The following RAP1GAP2 variants were observed in gnomAD, a reference collection of about 807,000 sequenced individuals.
The protein encoded by RAP1GAP2 is RAP1 GTPase activating protein 2, also known as rap1 GTPase-activating protein 2.
RAP1GAP2 carries 27 observed loss-of-function variants against 95.0 expected under a neutral mutation model. That is an observed-to-expected ratio of 0.28 (90% confidence interval 0.21 to 0.39). The LOEUF is 0.39. Among genes scored for constraint, RAP1GAP2 ranks in the 10% least tolerant of loss-of-function variants. The pLI is 1.00. For missense variants in RAP1GAP2, 771 were observed against 970.0 expected (o/e 0.79, Z 2.72); for synonymous variants, 373 against 380.9 (o/e 0.98, Z 0.24).
At chr17:2,847,109 C>T (rs11649852) in intron 2 of RAP1GAP2, among the ~76,000 whole-genome samples, 4 of 151,900 alleles carry the variant, frequency 2.6e-5, no homozygotes, top group Admixed American at 6.6e-5. Flanking sequence ...CCCTGGTTCA[C>T]GCGATTCTCC....
At position 2,796,799 on chromosome 17, in the gene RAP1GAP2, C is replaced by T. The variant is rs767112341; in HGVS notation, c.44+228C>T. Among the ~76,000 whole-genome samples, 5 of 152,188 alleles carry T rather than the reference C, an allele frequency of 3.3e-5. No homozygotes were observed. Among genetic ancestry groups the T allele is most frequent in the Middle Eastern group, 3.4e-3 (1 of 294 alleles). The stretch of plus-strand genomic sequence containing the variant: ...TCTGCTGGCGAATCCTGGAGGTCTG[C>T]GCCGGCTGCCCGTGGGGAGGTGGAT... On this transcript the variant is annotated intron_variant, in intron 1 of 24. Coordinates refer to ENST00000254695, the MANE Select transcript of RAP1GAP2 (RefSeq NM_015085.5). The surrounding 1 kb of genome is among the most constrained non-coding windows in gnomAD (Gnocchi z 4.7).
chr17:2,876,287 G>T (rs2073096857), intron 2 of RAP1GAP2, among the ~76,000 whole-genome samples: 2 of 152,118 alleles, frequency 1.3e-5, no homozygotes, highest in South Asian at 4.1e-4. Flanking sequence ...TATTCGAAGA[G>T]ATTTATTCTG....
At chr17:2,917,220 A>G (rs957111528) in intron 3 of RAP1GAP2, among the ~76,000 whole-genome samples, 2 of 151,780 alleles carry the variant, frequency 1.3e-5, no homozygotes, top group African/African-American at 4.8e-5. Context: ...CTAAGAATAC[A>G]GTTTCTGGAG....
At chr17:3,025,981 C>T (rs1466462547) in intron 19 of RAP1GAP2, 27 bp from the exon 20 acceptor site, 2 of 1,541,392 alleles carry the variant, frequency 1.3e-6, no homozygotes, top group East Asian at 2.3e-5. Context: ...GTCTCCGCGG[C>T]CTCACTCCTC....
intron 2 of RAP1GAP2, among the ~76,000 whole-genome samples, chr17:2,884,509 A>G (rs2073417291): frequency 6.6e-6 from 1 of 151,168 alleles, no homozygotes; most frequent in Non-Finnish European, 1.5e-5. Flanking sequence ...AGTAGCTGGG[A>G]CTACAGGCGT....
chr17:2,915,897 A>C (rs867689275), intron 3 of RAP1GAP2, among the ~76,000 whole-genome samples: 3 of 151,950 alleles, frequency 2.0e-5, no homozygotes, highest in Non-Finnish European at 2.9e-5. Flanking sequence ...ACGGGGTTTC[A>C]CCACGTTGGC....
intron 2 of RAP1GAP2, among the ~76,000 whole-genome samples, chr17:2,859,020 A>G (rs1448478124): frequency 1.3e-5 from 2 of 152,182 alleles, no homozygotes; most frequent in Non-Finnish European, 2.9e-5. Flanking sequence ...GTTGTCTCGT[A>G]AAAGTTTTCA....
chr17:2,950,549 C>G (rs144755692), intron 3 of RAP1GAP2, among the ~76,000 whole-genome samples: 1 of 151,842 alleles, frequency 6.6e-6, no homozygotes, highest in East Asian at 1.9e-4. Context: ...GCACTTCTTA[C>G]GCCTGTTCTC....
At chr17:2,838,956 A>G (rs1197460510) in intron 2 of RAP1GAP2, among the ~76,000 whole-genome samples, 2 of 152,056 alleles carry the variant, frequency 1.3e-5, no homozygotes, top group African/African-American at 2.4e-5. Context: ...ACATTATTCA[A>G]TTTTCATTAT....
Position 2,991,471 on chromosome 17 carries a change from T to C in RAP1GAP2, c.914+74T>C, listed in dbSNP as rs2045747841. 2.6e-6 allele frequency: 3 copies of C among 1,162,494 alleles called. No homozygotes were observed. The Admixed American group carries it at 6.3e-5, about 24-fold the overall frequency. The allele number at this position is 1,162,494 out of a possible 1,614,324, so 72.0% of individuals were successfully genotyped here. A position where few individuals can be genotyped will look rare whatever the true frequency, so the allele number is the denominator to read the frequency against. ...GAGGAAGGGCAAGACAGCTCAGTCCTCAGGGAGCACGTGTGAGTTAAAAAC... is the reference window on the plus strand; with the variant it reads ...GAGGAAGGGCAAGACAGCTCAGTCCCCAGGGAGCACGTGTGAGTTAAAAAC... On this transcript the variant is annotated intron_variant, in intron 12 of 24. Coordinates refer to ENST00000254695, the MANE Select transcript of RAP1GAP2 (RefSeq NM_015085.5).
intron 2 of RAP1GAP2, among the ~76,000 whole-genome samples, chr17:2,808,073 A>T (rs768309647): frequency 1.3e-5 from 2 of 151,476 alleles, no homozygotes; most frequent in African/African-American, 4.9e-5. Context: ...GTTAACAGGA[A>T]CCTCTCTTGC....
chr17:2,828,496 G>A (rs1319849766), intron 2 of RAP1GAP2, among the ~76,000 whole-genome samples: 1 of 152,116 alleles, frequency 6.6e-6, no homozygotes, highest in Non-Finnish European at 1.5e-5. Flanking sequence ...CTGGGGAAGA[G>A]CATTCCAGGT....
chr17:2,915,637 A>G (rs549486551), intron 3 of RAP1GAP2, among the ~76,000 whole-genome samples: 1 of 152,284 alleles, frequency 6.6e-6, no homozygotes, highest in Admixed American at 6.5e-5. Context: ...GTGTGTCCTA[A>G]GAAGTCTTTG....
At chr17:2,832,325 A>G (rs552397851) in intron 2 of RAP1GAP2, among the ~76,000 whole-genome samples, 112 of 150,684 alleles carry the variant, frequency 7.4e-4, no homozygotes, top group East Asian at 4.0e-3. Context: ...TTGGGAGGCC[A>G]AGGTGGGTGG....
At chr17:2,981,723 T>C (rs554097305) in intron 10 of RAP1GAP2, among the ~76,000 whole-genome samples, 14 of 152,348 alleles carry the variant, frequency 9.2e-5, no homozygotes, top group African/African-American at 3.1e-4. Flanking sequence ...TGCCTTCATT[T>C]ATAAACCAGC....
intron 17 of RAP1GAP2, among the ~76,000 whole-genome samples, chr17:3,014,609 G>A (rs1479342113): frequency 1.3e-5 from 2 of 148,196 alleles, no homozygotes; most frequent in Non-Finnish European, 3.0e-5. Context: ...GAGTGCAGTG[G>A]TGCGATCTCG....
At chr17:2,790,126 G>A (rs1304720411) in intron 1 of RAP1GAP2, among the ~76,000 whole-genome samples, 3 of 150,086 alleles carry the variant, frequency 2.0e-5, no homozygotes, top group Non-Finnish European at 4.4e-5. Flanking sequence ...TTTTTTTGGT[G>A]GTTTTGAGAT....
intron 2 of RAP1GAP2, among the ~76,000 whole-genome samples, chr17:2,834,315 A>C (rs1040440214): frequency 2.0e-5 from 3 of 152,168 alleles, no homozygotes; most frequent in African/African-American, 7.2e-5. Flanking sequence ...TTGCTGAAGG[A>C]GCTGAGCCAG....
intron 18 of RAP1GAP2, 57 bp downstream of exon 18, chr17:3,018,255 C>G (rs1006024550): frequency 6.6e-7 from 1 of 1,511,756 alleles, no homozygotes; most frequent in African/African-American, 1.4e-5. Context: ...CCCCCCCAGA[C>G]CTATGGAGGA....
Sources: gnomAD v4.1 joint callset for allele counts (sites outside exome capture counted in the v4.1 genomes callset) on GRCh38, gnomAD v4.1.1 for gene constraint, Gnocchi (gnomAD v3.1) non-coding constraint, MANE v1.5 for transcripts, NCBI Gene and HGNC (gene_info 2026-07-23, HGNC 2026-07-21) for gene names.